The following CLSTN2 variants were observed in gnomAD, a reference collection of about 807,000 sequenced individuals.
CLSTN2 encodes the protein calsyntenin 2, also known as calsyntenin-2.
CLSTN2 carries 48 observed loss-of-function variants against 101.2 expected under a neutral mutation model. That is an observed-to-expected ratio of 0.47 (90% confidence interval 0.38 to 0.60). The LOEUF (loss-of-function observed/expected upper bound fraction) is 0.60. Among genes scored for constraint, CLSTN2 ranks in the 20% least tolerant of loss-of-function variants. The pLI is 0.00. For missense variants in CLSTN2, 1,160 were observed against 1,238.2 expected (o/e 0.94, Z 0.95); for synonymous variants, 481 against 463.6 (o/e 1.04, Z -0.48).
At chr3:140,202,316 G>A (rs1010101962) in intron 2 of CLSTN2, among the ~76,000 whole-genome samples, 8 of 152,192 alleles carry the variant, frequency 5.3e-5, no homozygotes, top group Admixed American at 3.9e-4. Flanking sequence ...TATATCAGCA[G>A]GTGAGAAGTA....
intron 1 of CLSTN2, among the ~76,000 whole-genome samples, chr3:140,045,335 A>G (rs765794549): frequency 5.3e-5 from 8 of 151,982 alleles, no homozygotes; most frequent in Non-Finnish European, 1.2e-4. Context: ...CCATTCTCTG[A>G]TGGTAATCTG....
intron 1 of CLSTN2, among the ~76,000 whole-genome samples, chr3:140,040,442 G>A (rs565967102): frequency 6.6e-6 from 1 of 152,120 alleles, no homozygotes; most frequent in African/African-American, 2.4e-5. Context: ...CAGTTACAAG[G>A]TGTGTTTATG....
intron 10 of CLSTN2, among the ~76,000 whole-genome samples, chr3:140,555,416 A>G (rs534637137): frequency 6.6e-6 from 1 of 152,324 alleles, no homozygotes; most frequent in African/African-American, 2.4e-5. Context: ...AATGCAATTT[A>G]CCACTAAGAA....
intron 2 of CLSTN2, among the ~76,000 whole-genome samples, chr3:140,312,130 A>G (rs981231255): frequency 1.3e-5 from 2 of 152,168 alleles, no homozygotes; most frequent in African/African-American, 4.8e-5. Context: ...TTTTAATGAG[A>G]GGGCCAGGAT....
chr3:140,136,126 G>T (rs1373857515), intron 1 of CLSTN2, among the ~76,000 whole-genome samples: 1 of 152,180 alleles, frequency 6.6e-6, no homozygotes, highest in East Asian at 1.9e-4. Context: ...TGATTTGGAT[G>T]GATAGCAGTG....
intron 1 of CLSTN2, among the ~76,000 whole-genome samples, chr3:140,135,190 A>G (rs2107806309): frequency 1.4e-5 from 2 of 144,030 alleles, no homozygotes; most frequent in South Asian, 2.2e-4. Context: ...CAGTCATCCT[A>G]TGGAATTATA....
chr3:140,343,412 G>A (rs769756467), intron 2 of CLSTN2, among the ~76,000 whole-genome samples: 2 of 152,132 alleles, frequency 1.3e-5, no homozygotes, highest in Non-Finnish European at 2.9e-5. Context: ...CACAACACTG[G>A]TTACCATGAG....
chr3:140,303,544 A>G (rs866987849), intron 2 of CLSTN2, among the ~76,000 whole-genome samples: 2 of 152,290 alleles, frequency 1.3e-5, no homozygotes, highest in South Asian at 4.1e-4. Context: ...AACGTCCTTC[A>G]AACACAGAGG....
At chr3:140,550,709 A>C (rs1576623042) in intron 10 of CLSTN2, among the ~76,000 whole-genome samples, 1 of 151,450 alleles carries the variant, frequency 6.6e-6, no homozygotes, top group South Asian at 2.1e-4. Context: ...GAACCATAGC[A>C]ATTTCTAGAG....
intron 1 of CLSTN2, among the ~76,000 whole-genome samples, chr3:140,128,319 G>A (rs1375933507): frequency 2.0e-5 from 3 of 152,216 alleles, no homozygotes; most frequent in Non-Finnish European, 4.4e-5. Context: ...GGGCCTGACT[G>A]CTTTGTAGTT....
chr3:140,187,480 A>G (rs540721681), intron 2 of CLSTN2, among the ~76,000 whole-genome samples: 1 of 152,050 alleles, frequency 6.6e-6, no homozygotes, highest in Non-Finnish European at 1.5e-5. Context: ...TCCATCAGAG[A>G]TGTTGTTTGA....
At chr3:140,261,772 G>A (rs1234516170) in intron 2 of CLSTN2, among the ~76,000 whole-genome samples, 1 of 152,060 alleles carries the variant, frequency 6.6e-6, no homozygotes, top group East Asian at 1.9e-4. Context: ...CCATTCTAAT[G>A]CACTAACACA....
intron 1 of CLSTN2, among the ~76,000 whole-genome samples, chr3:140,117,932 A>T (rs965162191): frequency 1.3e-5 from 2 of 152,208 alleles, no homozygotes; most frequent in Non-Finnish European, 1.5e-5. Context: ...CCTCCTTCTT[A>T]GGCCAGCAAT....
intron 10 of CLSTN2, among the ~76,000 whole-genome samples, chr3:140,546,933 G>A (rs1935605557): frequency 6.6e-6 from 1 of 152,196 alleles, no homozygotes; most frequent in Non-Finnish European, 1.5e-5. Flanking sequence ...TTACCCAAAA[G>A]CAGGCACATG....
At chr3:140,125,516 C>T (rs1204552894) in intron 1 of CLSTN2, among the ~76,000 whole-genome samples, 1 of 151,962 alleles carries the variant, frequency 6.6e-6, no homozygotes, top group Non-Finnish European at 1.5e-5. Context: ...TCCTTGATTT[C>T]CTCTCTTTTT....
chr3:139,995,869 G>C (rs2006640351), intron 1 of CLSTN2, among the ~76,000 whole-genome samples: 1 of 152,130 alleles, frequency 6.6e-6, no homozygotes, highest in Non-Finnish European at 1.5e-5. Flanking sequence ...CTATATCCTA[G>C]AATTTTAAAA....
chr3:140,048,987 G>A (rs2007936535), intron 1 of CLSTN2, among the ~76,000 whole-genome samples: 1 of 152,220 alleles, frequency 6.6e-6, no homozygotes, highest in Non-Finnish European at 1.5e-5. Context: ...ATGAGCACCT[G>A]TTTGTGCTGG....
chr3:140,004,822 A>G (rs1295366197), intron 1 of CLSTN2, among the ~76,000 whole-genome samples: 2 of 152,178 alleles, frequency 1.3e-5, no homozygotes, highest in Non-Finnish European at 2.9e-5. Flanking sequence ...TGGGGGCTCC[A>G]TGGTATTTTA....
At chr3:140,527,682 A>T (rs764069059) in intron 8 of CLSTN2, among the ~76,000 whole-genome samples, 1 of 152,188 alleles carries the variant, frequency 6.6e-6, no homozygotes, top group Non-Finnish European at 1.5e-5. Flanking sequence ...GCCCATCAAC[A>T]GTGGGCTGAA....
Sources: allele counts gnomAD v4.1 joint callset (sites outside exome capture counted in the v4.1 genomes callset), GRCh38; gene constraint gnomAD v4.1.1; transcripts MANE v1.5; gene names NCBI Gene and HGNC (gene_info 2026-07-23, HGNC 2026-07-21).